Variants in STAU2 observed in about 807,000 individuals in gnomAD.
The protein encoded by STAU2 is staufen double-stranded RNA binding protein 2.
A neutral mutation model predicts 65.9 loss-of-function variants in STAU2; 20 were observed. That is an observed-to-expected ratio of 0.30 (90% CI 0.21 to 0.44). The LOEUF (loss-of-function observed/expected upper bound fraction) is 0.44, where lower values mean the gene tolerates loss of function less well. Ranked by LOEUF, STAU2 falls within the 20% of genes least tolerant of loss-of-function variation. The probability of loss-of-function intolerance (pLI) is 1.00; values close to 1 mark genes in which losing one functional copy is unlikely to be tolerated. For missense variants in STAU2, 558 were observed against 683.9 expected, an observed-to-expected ratio of 0.82 and a Z score of 2.05; for synonymous variants, 232 against 233.9, an observed-to-expected ratio of 0.99 and a Z score of 0.07.
intron 3 of STAU2, among the ~76,000 whole-genome samples, chr8:73,730,908 CTG>C (rs1197700508): frequency 1.3e-5 from 2 of 152,194 alleles, no homozygotes; most frequent in Middle Eastern, 3.4e-3. Context: ...CATTTTTTGA[CTG>C]AATGACAAAA....
At chr8:73,735,404 G>A (rs1806364732) in intron 3 of STAU2, among the ~76,000 whole-genome samples, 1 of 152,092 alleles carries the variant, frequency 6.6e-6, no homozygotes, top group African/African-American at 2.4e-5. Context: ...GTAACAAGAA[G>A]GGGGGGTCTC....
rs530097299 is a variant in STAU2 at position 73,564,950 on chromosome 8, T to A, written c.1223-12631A>T. 5.3e-5 allele frequency among the ~76,000 whole-genome samples: 8 copies of A among 152,304 alleles called. No individual in the cohort carries two copies. In the East Asian group the frequency reaches 1.4e-3, roughly 26 times the overall value. ...CGCACACGCGTGTGCACATGTGTCC[T>A]GGAATGGAATGACATCCTGTCCAGA... On this transcript the variant is annotated intron_variant, in intron 12 of 14. Coordinates refer to ENST00000524300, the MANE Select transcript of STAU2 (RefSeq NM_001164380.2).
At chr8:73,705,546 C>G (rs556985594) in intron 4 of STAU2, among the ~76,000 whole-genome samples, 1 of 152,252 alleles carries the variant, frequency 6.6e-6, no homozygotes, top group East Asian at 1.9e-4. Flanking sequence ...ATTAAAACAG[C>G]CTTCTTTCGA....
chr8:73,447,850 G>A (rs1163729886), intron 13 of STAU2, among the ~76,000 whole-genome samples: 3 of 152,184 alleles, frequency 2.0e-5, no homozygotes, highest in Non-Finnish European at 2.9e-5. Context: ...AATGAAGTGA[G>A]ATTATCTAAC....
intron 6 of STAU2, chr8:73,651,359 G>A: frequency 1.5e-6 from 1 of 681,344 alleles, no homozygotes; most frequent in Non-Finnish European, 2.7e-6. Flanking sequence ...CCAGTACCTG[G>A]GCCCTCTGGA....
rs142327709 is a variant in STAU2, at chr8:73,517,668, G to T, written c.1530+34344C>A. Reference sequence around the variant, plus strand: ...AGTCTTTTTTAGTGTGAAAAGTTAGGTTTTTTTAATTCTAAAATTTCACAC... The same window carrying T: ...AGTCTTTTTTAGTGTGAAAAGTTAGTTTTTTTTAATTCTAAAATTTCACAC... On this transcript the variant is annotated intron_variant, in intron 13 of 14. Coordinates refer to ENST00000524300, the MANE Select transcript of STAU2 (RefSeq NM_001164380.2). 1.9e-4 allele frequency among the ~76,000 whole-genome samples: 29 copies of T among 151,928 alleles called. 1 individual carries two copies. The East Asian group carries it at 4.4e-3, about 23-fold the overall frequency.
chr8:73,506,133 T>A (rs1471413469), intron 13 of STAU2, among the ~76,000 whole-genome samples: 2 of 152,192 alleles, frequency 1.3e-5, no homozygotes, highest in African/African-American at 4.8e-5. Flanking sequence ...CTCAGGTATT[T>A]CTTTATAGCA....
At chr8:73,672,270 C>A (rs1233629028) in intron 6 of STAU2, 1 of 151,972 alleles carries the variant, frequency 6.6e-6, no homozygotes, top group Non-Finnish European at 1.5e-5. Context: ...CTGTATGAGT[C>A]TAGATATAAA....
At chr8:73,669,955 CAAATAT>C (rs1200019930) in intron 6 of STAU2, among the ~76,000 whole-genome samples, 1 of 151,886 alleles carries the variant, frequency 6.6e-6, no homozygotes, top group African/African-American at 2.4e-5. Context: ...CAAAATAAAA[CAAATAT>C]AAAGATGTAA....
chr8:73,658,871 C>T (rs552191228), intron 6 of STAU2, among the ~76,000 whole-genome samples: 35 of 151,688 alleles, frequency 2.3e-4, no homozygotes, highest in African/African-American at 8.0e-4. Context: ...CAAGATCAAG[C>T]CACTGTACTC....
At chr8:73,447,422 T>C (rs1421394106) in intron 13 of STAU2, among the ~76,000 whole-genome samples, 1 of 152,200 alleles carries the variant, frequency 6.6e-6, no homozygotes, top group Non-Finnish European at 1.5e-5. Context: ...TGGCATTGCA[T>C]CATATGGCTG....
intron 12 of STAU2, among the ~76,000 whole-genome samples, chr8:73,552,537 C>CA (rs1361772738): frequency 2.6e-5 from 4 of 151,734 alleles, no homozygotes; most frequent in African/African-American, 9.7e-5. Context: ...TAAAAACATC[C>CA]AAAAAAAGTG....
At chr8:73,712,141 CATA>C (rs1470970911) in intron 3 of STAU2, among the ~76,000 whole-genome samples, 1 of 152,124 alleles carries the variant, frequency 6.6e-6, no homozygotes, top group African/African-American at 2.4e-5. Flanking sequence ...GAGAAATGCA[CATA>C]ATGTTACACA....
At chr8:73,734,121 T>C (rs2130761604) in intron 3 of STAU2, among the ~76,000 whole-genome samples, 1 of 151,942 alleles carries the variant, frequency 6.6e-6, no homozygotes, top group Non-Finnish European at 1.5e-5. Flanking sequence ...CATAAAAACA[T>C]ACCTGCATAG....
At chr8:73,615,954 T>A in intron 7 of STAU2, 172 bp from the exon 8 acceptor site, 1 of 515,320 alleles carries the variant, frequency 1.9e-6, no homozygotes. Context: ...CTGCCAGGCT[T>A]TTTGTTACTC....
At position 73,421,437 on chromosome 8, in the gene STAU2, C is replaced by T; in HGVS notation, c.1648G>A (p.Asp550Asn). 1 of 1,537,236 alleles carries T rather than the reference C, an allele frequency of 6.5e-7. No individual in the cohort carries two copies. The highest frequency in any genetic ancestry group is 8.7e-7 in the Non-Finnish European group (1 of 1,146,912). Residue 550 changes from aspartate (D) to asparagine (N), a missense_variant, in exon 15 of 15, where the codon GAC (aspartate) becomes AAC (asparagine). By Grantham distance (23) the Asp-to-Asn change is conservative. Transcript: ENST00000524300. Reference protein sequence around the residue: ...KQAKHLREKADNNQAPPGSIA... With the variant: ...KQAKHLREKANNNQAPPGSIA... ...GAGCCCGGGGGTGCCTGGTTATTGTCCGCTTTCTCTCTCAGATGCTTGGCT... is the reference window on the plus strand; with the variant it reads ...GAGCCCGGGGGTGCCTGGTTATTGTTCGCTTTCTCTCTCAGATGCTTGGCT...
At chr8:73,579,029 T>C (rs1204338836) in intron 12 of STAU2, among the ~76,000 whole-genome samples, 4 of 114,114 alleles carry the variant, frequency 3.5e-5, no homozygotes, top group Middle Eastern at 8.6e-3. Flanking sequence ...GTTCTAAATA[T>C]AGTACATAGC....
At chr8:73,744,624 A>G (rs1023615945) in intron 1 of STAU2, among the ~76,000 whole-genome samples, 34 of 152,314 alleles carry the variant, frequency 2.2e-4, no homozygotes, top group Non-Finnish European at 3.8e-4. Flanking sequence ...ATTTGTTGAA[A>G]AGCAAACCAA....
intron 4 of STAU2, among the ~76,000 whole-genome samples, chr8:73,700,516 T>C (rs141150347): frequency 0.012 from 1,875 of 152,162 alleles, 31 homozygotes; most frequent in Non-Finnish European, 0.018. Flanking sequence ...AGCATTTCTA[T>C]ATGCCAACAG....
Sources: gnomAD v4.1 joint callset for allele counts (sites outside exome capture counted in the v4.1 genomes callset) on GRCh38, gnomAD v4.1.1 for gene constraint, MANE v1.5 for transcripts, NCBI Gene and HGNC (gene_info 2026-07-23, HGNC 2026-07-21) for gene names.